The following TRRAP variants were observed in gnomAD, a reference collection of about 807,000 sequenced individuals.
The protein encoded by TRRAP is transformation/transcription domain associated protein.
TRRAP carries 41 observed loss-of-function variants against 438.8 expected under a neutral mutation model. The ratio of observed to expected loss-of-function variants is 0.09; its 90% confidence interval spans 0.07 to 0.12. The LOEUF (loss-of-function observed/expected upper bound fraction) is 0.12, where lower values mean the gene tolerates loss of function less well. TRRAP is among the 10% of genes least tolerant of loss of function. TRRAP has a pLI of 1.00. For missense variants in TRRAP, 3,122 were observed against 5,055.1 expected (o/e 0.62, Z 11.60); for synonymous variants, 1,994 against 1,962.9 (o/e 1.02, Z -0.42).
chr7:98,980,017 C>T (rs770858863), intron 58 of TRRAP, among the ~76,000 whole-genome samples: 3 of 152,158 alleles, frequency 2.0e-5, no homozygotes, highest in Non-Finnish European at 4.4e-5. Flanking sequence ...TGGCAAAAAT[C>T]TATCTCAACT....
At chr7:98,904,077 T>C (rs1796599525) in intron 12 of TRRAP, among the ~76,000 whole-genome samples, 1 of 152,116 alleles carries the variant, frequency 6.6e-6, no homozygotes, top group Non-Finnish European at 1.5e-5. Flanking sequence ...TCCAAAGTGC[T>C]GGGACTACTG....
rs754366894 is a variant in TRRAP at position 99,005,198 on chromosome 7, C to T, written c.10603C>T (p.His3535Tyr). Reference sequence around the variant, plus strand: ...AGCCCGGCGGCTGTACATCCGGGGACACAATGGCAAGATCTACCCATACCT... The same window carrying T: ...AGCCCGGCGGCTGTACATCCGGGGATACAATGGCAAGATCTACCCATACCT... ...TAARRLYIRG[H>Y]NGKIYPYLVM... The change falls in exon 69 of 73, where the codon CAC (histidine) becomes TAC (tyrosine). Residue 3535 changes from histidine to tyrosine, a missense_variant. His to Tyr is a moderately conservative substitution (Grantham distance 83). Transcript: ENST00000456197. This position sits in a 1 kb window ranked among gnomAD's most constrained non-coding sequence, Gnocchi z 5.1. 6.2e-7 allele frequency: 1 copy of T among 1,613,966 alleles called. No individual in the cohort carries two copies. Among genetic ancestry groups the T allele is most frequent in the South Asian group, 1.1e-5 (1 of 91,078 alleles).
intron 40 of TRRAP, 105 bp downstream of exon 40, chr7:98,953,538 C>T: frequency 2.1e-6 from 3 of 1,458,704 alleles, no homozygotes; most frequent in Non-Finnish European, 2.8e-6. Context: ...TCTCCCAAAA[C>T]CAATAAAAAC....
chr7:98,974,978 G>A (rs1255879284), intron 53 of TRRAP, among the ~76,000 whole-genome samples: 1 of 152,182 alleles, frequency 6.6e-6, no homozygotes, highest in African/African-American at 2.4e-5. Flanking sequence ...AAACCCCCAC[G>A]GTTGGAGTTG....
intron 26 of TRRAP, 140 bp from the exon 27 acceptor site, chr7:98,933,100 CA>C: frequency 8.5e-7 from 1 of 1,174,450 alleles, no homozygotes; most frequent in South Asian, 1.9e-5. Context: ...CGAGGTTTTG[CA>C]CATGAAATGT....
intron 24 of TRRAP, among the ~76,000 whole-genome samples, 163 bp from the exon 25 acceptor site, chr7:98,930,470 C>T (rs1167602119): frequency 4.6e-5 from 7 of 152,076 alleles, no homozygotes; most frequent in African/African-American, 9.7e-5. Flanking sequence ...CCCAGCTACT[C>T]GGGAGGCTAA....
intron 39 of TRRAP, among the ~76,000 whole-genome samples, chr7:98,951,897 C>T (rs2116619905): frequency 6.6e-6 from 1 of 152,118 alleles, no homozygotes; most frequent in East Asian, 1.9e-4. Flanking sequence ...CCAGACAGGA[C>T]CCCTTCCCCT....
chr7:98,914,987 GACAAA>G (rs1186025349), intron 18 of TRRAP, among the ~76,000 whole-genome samples: 4 of 151,076 alleles, frequency 2.6e-5, no homozygotes, highest in Non-Finnish European at 4.4e-5. Flanking sequence ...ACCAGGATTT[GACAAA>G]ACAAAATAAA....
At position 98,909,299 on chromosome 7, in the gene TRRAP, C is replaced by T. The variant is rs1584296990; in HGVS notation, c.1350+337C>T. ...TCAGCCTCCCAAAGTGCTGGGATTACAGGCGTGAGCCACCATGCCGGACTT... is the reference window on the plus strand; with the variant it reads ...TCAGCCTCCCAAAGTGCTGGGATTATAGGCGTGAGCCACCATGCCGGACTT... On this transcript the variant is annotated intron_variant, in intron 14 of 72. Transcript: ENST00000456197. Among the ~76,000 whole-genome samples the T allele has an allele frequency of 2.0e-5, 3 of 152,320 alleles. 1 individual carries two copies. The highest frequency in any genetic ancestry group is 7.2e-5 in the African/African-American group (3 of 41,580).
intron 18 of TRRAP, among the ~76,000 whole-genome samples, chr7:98,915,267 A>G (rs1230658376): frequency 6.6e-6 from 1 of 151,962 alleles, no homozygotes; most frequent in African/African-American, 2.4e-5. Context: ...ATCTCGGCTC[A>G]CTGCAACCTC....
chr7:98,891,303 C>G (rs1362058218), intron 4 of TRRAP, among the ~76,000 whole-genome samples: 13 of 149,752 alleles, frequency 8.7e-5, no homozygotes, highest in African/African-American at 3.2e-4. Flanking sequence ...CCTCTGCCTC[C>G]CAGGTTCAAA....
chr7:98,890,343 G>T lies in TRRAP; in HGVS notation c.159G>T (p.Thr53=). The T allele has an allele frequency of 6.4e-7, 1 of 1,556,920 alleles. No homozygotes were observed. The highest frequency in any genetic ancestry group is 8.6e-7 in the Non-Finnish European group (1 of 1,157,140). The stretch of plus-strand genomic sequence containing the variant: ...TATTTTTGCACAATTAGAATGTCAC[G>T]TCATCTCCTCAGTATTCTACATTCC... The part of the protein sequence containing the change: ...QEVSENFENV[T]SSPQYSTFLE... The change falls in exon 4 of 73, where the codon ACG becomes ACT. Residue 53 remains threonine (T), a synonymous_variant. Transcript: ENST00000456197.
At chr7:98,978,058 T>G (rs1014730085) in intron 56 of TRRAP, among the ~76,000 whole-genome samples, 153 bp from the exon 57 acceptor site, 6 of 151,996 alleles carry the variant, frequency 3.9e-5, no homozygotes, top group African/African-American at 1.5e-4. Context: ...GGCAGGAGGG[T>G]CCCTTGAGCC....
intron 33 of TRRAP, among the ~76,000 whole-genome samples, chr7:98,947,755 A>T (rs546277000): frequency 6.2e-4 from 94 of 152,304 alleles, no homozygotes; most frequent in South Asian, 1.2e-3. Context: ...CACACTGGCC[A>T]CTGCTAGGTT....
At chr7:98,936,440 G>T (rs1386583117) in intron 28 of TRRAP, among the ~76,000 whole-genome samples, 1 of 152,188 alleles carries the variant, frequency 6.6e-6, no homozygotes, top group Non-Finnish European at 1.5e-5. Context: ...CCTCCTTCCT[G>T]TTAGCCATTG....
intron 18 of TRRAP, among the ~76,000 whole-genome samples, chr7:98,914,263 G>T (rs1789416726): frequency 1.3e-5 from 2 of 151,942 alleles, no homozygotes; most frequent in Non-Finnish European, 2.9e-5. Flanking sequence ...AGCTGGATGT[G>T]GTGGTGTGCA....
At chr7:98,929,023 T>A (rs1430985733) in intron 23 of TRRAP, among the ~76,000 whole-genome samples, 1 of 151,604 alleles carries the variant, frequency 6.6e-6, no homozygotes, top group Non-Finnish European at 1.5e-5. Context: ...CTGCAACCTC[T>A]GCCTCCCGGG....
rs1319723440 is a variant in TRRAP at position 98,947,464 on chromosome 7, C to CT, written c.4549-748dup. Among the ~76,000 whole-genome samples the CT allele has an allele frequency of 7.4e-4, 108 of 145,894 alleles. No individual in the cohort carries two copies. In the Middle Eastern group the frequency reaches 0.01, roughly 14 times the overall value. ...GTTTGTGTGGTTTTTTTTTTCTTTT[C>CT]TTTTTTTTTGAGACCGGGTCTCATT... On this transcript the variant is annotated intron_variant, in intron 33 of 72. Transcript: ENST00000456197.
In TRRAP at chr7:98,895,775, T is replaced by A; in HGVS notation, c.462T>A (p.Phe154Leu). The change falls in exon 7 of 73, where the codon TTT becomes TTA. Residue 154 changes from phenylalanine to leucine, a missense_variant. Physicochemically the swap from Phe to Leu is conservative, Grantham distance 22. This residue lies in a region of TRRAP where 343 missense variants were observed against 564.0 expected (regional missense o/e 0.61). Transcript: ENST00000456197. Reference protein sequence around the residue: ...RPPITQEIHHFLDFVKQIYKE... With the variant: ...RPPITQEIHHLLDFVKQIYKE... The stretch of plus-strand genomic sequence containing the variant: ...TCTGCTTTTTTTAGATTCATCATTT[T>A]CTGGATTTTGTGAAACAGATTTACA... 2 of 1,606,032 alleles carry A rather than the reference T, an allele frequency of 1.2e-6. No individual in the cohort carries two copies. Among genetic ancestry groups the A allele is most frequent in the Non-Finnish European group, 1.7e-6 (2 of 1,176,766 alleles).
Sources: allele counts gnomAD v4.1 joint callset (sites outside exome capture counted in the v4.1 genomes callset), GRCh38; gene constraint gnomAD v4.1.1; regional missense constraint gnomAD v4.1.1; non-coding constraint Gnocchi (gnomAD v3.1); transcripts MANE v1.5; gene names NCBI Gene and HGNC (gene_info 2026-07-23, HGNC 2026-07-21).